The following COL25A1 variants were observed in gnomAD, a reference collection of about 807,000 sequenced individuals.
COL25A1 encodes collagen type XXV alpha 1 chain, also known as collagen alpha-1(XXV) chain.
Under a neutral mutation model 128.4 loss-of-function variants are expected in COL25A1, and 103 were observed. The ratio of observed to expected loss-of-function variants is 0.80; its 90% CI spans 0.68 to 0.94. The LOEUF (loss-of-function observed/expected upper bound fraction) is 0.94. COL25A1 is among the 40% of genes least tolerant of loss of function. The pLI, the probability that COL25A1 is intolerant of heterozygous loss-of-function variation, is 0.00. For synonymous variants in COL25A1, 279 were observed against 277.2 expected, an observed-to-expected ratio of 1.01 and a Z score of -0.06; for missense variants, 745 against 840.0, an observed-to-expected ratio of 0.89 and a Z score of 1.40.
intron 5 of COL25A1, among the ~76,000 whole-genome samples, chr4:109,021,586 A>G (rs1284663673): frequency 1.3e-5 from 2 of 152,162 alleles, no homozygotes; most frequent in African/African-American, 4.8e-5. Flanking sequence ...GAACAGAATA[A>G]TAGTAATTTT....
At chr4:108,889,335 C>A (rs896734017) in intron 17 of COL25A1, 79 bp from the exon 18 acceptor site, 71 of 1,353,040 alleles carry the variant, frequency 5.2e-5, no homozygotes, top group Admixed American at 1.5e-4. Context: ...GGCACCATCA[C>A]AGGGATGGCC....
intron 3 of COL25A1, among the ~76,000 whole-genome samples, chr4:109,218,136 T>G (rs1778140309): frequency 6.6e-6 from 1 of 152,182 alleles, no homozygotes; most frequent in East Asian, 1.9e-4. Flanking sequence ...GACAGTACTA[T>G]AAGTCATATA....
chr4:109,273,240 T>C (rs1399714201), intron 3 of COL25A1, among the ~76,000 whole-genome samples: 1 of 152,192 alleles, frequency 6.6e-6, no homozygotes, highest in African/African-American at 2.4e-5. Context: ...ATTATAGTAA[T>C]TGTCCTCATT....
At chr4:108,893,614 C>G (rs892978153) in intron 16 of COL25A1, among the ~76,000 whole-genome samples, 2 of 151,864 alleles carry the variant, frequency 1.3e-5, no homozygotes, top group Middle Eastern at 3.2e-3. Context: ...CATCCAAAGG[C>G]GCTGAGTTGA....
At chr4:109,180,870 AAC>A (rs898614333) in intron 3 of COL25A1, among the ~76,000 whole-genome samples, 3 of 152,182 alleles carry the variant, frequency 2.0e-5, no homozygotes, top group African/African-American at 7.2e-5. Flanking sequence ...GTATTTATAA[AAC>A]ACAATATTAA....
chr4:108,851,594 A>G (rs1376263863), intron 26 of COL25A1, among the ~76,000 whole-genome samples: 1 of 152,186 alleles, frequency 6.6e-6, no homozygotes, highest in Non-Finnish European at 1.5e-5. Flanking sequence ...ATCACTGGCC[A>G]TGTGTTAATT....
chr4:108,874,649 C>T (rs1739212400), intron 19 of COL25A1, among the ~76,000 whole-genome samples: 1 of 152,062 alleles, frequency 6.6e-6, no homozygotes, highest in Admixed American at 6.6e-5. Context: ...AGTAAAATAG[C>T]TCTACCATTG....
chr4:109,264,795 C>T (rs751046407), intron 3 of COL25A1, among the ~76,000 whole-genome samples: 7 of 152,130 alleles, frequency 4.6e-5, no homozygotes, highest in Admixed American at 2.0e-4. Context: ...CCCTGGTTTA[C>T]AAGTATCTTC....
Position 108,886,465 on chromosome 4 carries a change from TGTGTGTGTGTGTG to T in COL25A1, c.976-2256_976-2244del, listed in dbSNP as rs1384282909. On this transcript the variant is annotated intron_variant, in intron 18 of 37. Coordinates refer to ENST00000399132, the MANE Select transcript of COL25A1 (RefSeq NM_198721.4). ...TTTTGTGTGTGTGTGTGTGTGTGTG[TGTGTGTGTGTGTG>T]TGTGTGTGTGTGTGTTTAGCTCATC... is the stretch of plus-strand genomic sequence containing the variant. 4.4e-3 allele frequency among the ~76,000 whole-genome samples: 530 copies of T among 119,660 alleles called. 14 individuals carry two copies. In the East Asian group the frequency reaches 0.11, roughly 24 times the overall value. The allele number at this position is 119,660 out of a possible 152,430, so 78.5% of individuals were successfully genotyped here.
chr4:109,299,115 TATTA>T (rs1160860425), intron 3 of COL25A1, among the ~76,000 whole-genome samples: 1 of 152,224 alleles, frequency 6.6e-6, no homozygotes, highest in Non-Finnish European at 1.5e-5. Context: ...TTAAGAATTC[TATTA>T]ATTAAGCACT....
chr4:109,170,082 A>G (rs1253646169), intron 3 of COL25A1, among the ~76,000 whole-genome samples: 1 of 152,168 alleles, frequency 6.6e-6, no homozygotes, highest in Non-Finnish European at 1.5e-5. Context: ...ATAATATGTC[A>G]TAGAACTATT....
chr4:108,891,045 G>C (rs1423250118), intron 16 of COL25A1, among the ~76,000 whole-genome samples: 3 of 152,140 alleles, frequency 2.0e-5, no homozygotes, highest in African/African-American at 2.4e-5. Context: ...CTCTCTGTTA[G>C]ACAGTTAGCT....
chr4:108,865,377 T>C (rs1336365157), intron 20 of COL25A1, among the ~76,000 whole-genome samples: 5 of 152,150 alleles, frequency 3.3e-5, no homozygotes, highest in Non-Finnish European at 7.4e-5. Context: ...TGGGATAGGT[T>C]AGTCAAGGGT....
Position 108,938,805 on chromosome 4 carries a change from G to A in COL25A1, c.673-962C>T, listed in dbSNP as rs541174566. Among the ~76,000 whole-genome samples the A allele has an allele frequency of 2.0e-4, 31 of 152,056 alleles. No homozygotes were observed. In the South Asian group the frequency reaches 5.8e-3, roughly 28 times the overall value. On this transcript the variant is annotated intron_variant, in intron 10 of 37. Coordinates refer to ENST00000399132, the MANE Select transcript of COL25A1 (RefSeq NM_198721.4). Reference sequence around the variant, plus strand: ...CCGGGAGGCAGAGGTTGCAGTGAGCGGAGATCACACCACTGCTCTCCAGCC... The same window carrying A: ...CCGGGAGGCAGAGGTTGCAGTGAGCAGAGATCACACCACTGCTCTCCAGCC...
chr4:109,297,305 A>T (rs1196896604), intron 3 of COL25A1, among the ~76,000 whole-genome samples: 2 of 152,126 alleles, frequency 1.3e-5, no homozygotes, highest in Non-Finnish European at 2.9e-5. Flanking sequence ...AATATTAAAA[A>T]TTTTACTGCA....
chr4:109,137,300 A>T (rs1468012186), intron 3 of COL25A1, among the ~76,000 whole-genome samples: 6 of 152,222 alleles, frequency 3.9e-5, no homozygotes, highest in Non-Finnish European at 4.4e-5. Flanking sequence ...AAAAATCTGG[A>T]ACTATCCATG....
chr4:108,864,147 C>T (rs913001090), intron 20 of COL25A1, among the ~76,000 whole-genome samples: 2 of 152,182 alleles, frequency 1.3e-5, no homozygotes, highest in Non-Finnish European at 2.9e-5. Context: ...GTATTATCAT[C>T]TCCATTTTAC....
At chr4:109,044,188 T>C (rs953260970) in intron 5 of COL25A1, among the ~76,000 whole-genome samples, 1 of 151,982 alleles carries the variant, frequency 6.6e-6, no homozygotes, top group Non-Finnish European at 1.5e-5. Flanking sequence ...TCCTAGAGAA[T>C]AAATTGATAC....
intron 6 of COL25A1, among the ~76,000 whole-genome samples, chr4:109,007,048 A>T (rs984769118): frequency 6.6e-6 from 1 of 152,224 alleles, no homozygotes; most frequent in Non-Finnish European, 1.5e-5. Context: ...CTGCATATGT[A>T]ACCCTGAACT....
Sources: gnomAD v4.1 joint callset for allele counts (sites outside exome capture counted in the v4.1 genomes callset) on GRCh38, gnomAD v4.1.1 for gene constraint, MANE v1.5 for transcripts, NCBI Gene and HGNC (gene_info 2026-07-23, HGNC 2026-07-21) for gene names.